Variants in SLC14A2 observed in about 807,000 individuals in gnomAD.
SLC14A2 encodes the protein solute carrier family 14 member 2, also known as urea transporter 2.
SLC14A2 carries 91 observed loss-of-function variants against 104.6 expected under a neutral mutation model. The ratio of observed to expected loss-of-function variants is 0.87; its 90% CI spans 0.73 to 1.04. The LOEUF (loss-of-function observed/expected upper bound fraction) is 1.04, where lower values mean the gene tolerates loss of function less well. Among genes scored for constraint, SLC14A2 ranks in the 50% least tolerant of loss-of-function variants. The pLI is 0.00. For synonymous variants in SLC14A2, 476 were observed against 466.4 expected (o/e 1.02, Z -0.27); for missense variants, 1,189 against 1,156.0 (o/e 1.03, Z -0.41).
chr18:45,478,105 C>G (rs186458112), intron 1 of SLC14A2, among the ~76,000 whole-genome samples: 6 of 152,322 alleles, frequency 3.9e-5, no homozygotes, highest in Admixed American at 3.9e-4. Context: ...ACCCAGGGCC[C>G]CGGTGGTGTA....
intron 1 of SLC14A2, among the ~76,000 whole-genome samples, chr18:45,295,066 A>G (rs137944438): frequency 1.2e-3 from 182 of 152,296 alleles, no homozygotes; most frequent in Admixed American, 3.4e-3. Flanking sequence ...TGCGAGCCAC[A>G]CTTCAAGGGC....
chr18:45,627,819 G>A (rs529721151), intron 4 of SLC14A2, among the ~76,000 whole-genome samples: 1 of 152,182 alleles, frequency 6.6e-6, no homozygotes, highest in South Asian at 2.1e-4. Flanking sequence ...AAGCCAGTCT[G>A]GCCAACATGG....
intron 1 of SLC14A2, among the ~76,000 whole-genome samples, chr18:45,414,408 G>C (rs188570476): frequency 3.9e-5 from 6 of 152,002 alleles, no homozygotes; most frequent in Non-Finnish European, 8.8e-5. Context: ...GAACTGTTTG[G>C]GAACAGGGGA....
chr18:45,440,736 G>A (rs922548234), intron 1 of SLC14A2, among the ~76,000 whole-genome samples: 7 of 152,092 alleles, frequency 4.6e-5, no homozygotes, highest in African/African-American at 1.4e-4. Flanking sequence ...GGGAGTAATA[G>A]AACTTACATA....
intron 1 of SLC14A2, among the ~76,000 whole-genome samples, chr18:45,623,217 G>C (rs1219909641): frequency 6.6e-6 from 1 of 152,188 alleles, no homozygotes; most frequent in Admixed American, 6.5e-5. Context: ...GAGATTTCCA[G>C]TGTGTGTGAT....
chr18:45,589,319 GAGAA>G (rs777536434), intron 2 of SLC14A2, among the ~76,000 whole-genome samples: 1 of 151,784 alleles, frequency 6.6e-6, no homozygotes, highest in Non-Finnish European at 1.5e-5. Flanking sequence ...AAGCTGGAGA[GAGAA>G]AGGGGGGCTG....
chr18:45,366,194 T>C (rs2085664037), intron 1 of SLC14A2, among the ~76,000 whole-genome samples: 1 of 152,148 alleles, frequency 6.6e-6, no homozygotes, highest in Admixed American at 6.5e-5. Flanking sequence ...CTTGACTTCC[T>C]CAGCGGAATC....
intron 1 of SLC14A2, among the ~76,000 whole-genome samples, chr18:45,245,660 G>T (rs569558759): frequency 6.6e-6 from 1 of 151,162 alleles, no homozygotes; most frequent in Admixed American, 6.6e-5. Context: ...TAGATGAAGG[G>T]AAGGTGTTTT....
intron 1 of SLC14A2, among the ~76,000 whole-genome samples, chr18:45,286,354 C>G (rs1235329058): frequency 6.6e-6 from 1 of 152,214 alleles, no homozygotes; most frequent in East Asian, 1.9e-4. Flanking sequence ...CATCCTCACT[C>G]AGTGCCACTT....
chr18:45,189,241 T>C, the SLC14A2 span, among the ~76,000 whole-genome samples: 1 of 152,174 alleles, frequency 6.6e-6, no homozygotes, highest in Non-Finnish European at 1.5e-5. Context: ...TGAGTTCAAA[T>C]CCAGACTCAA....
the SLC14A2 span, among the ~76,000 whole-genome samples, chr18:45,205,583 A>G: frequency 6.6e-6 from 1 of 152,164 alleles, no homozygotes. Context: ...GGAAAAATAG[A>G]TCGGGTAGAT....
intron 2 of SLC14A2, among the ~76,000 whole-genome samples, chr18:45,531,517 C>A (rs568840561): frequency 9.5e-4 from 145 of 152,328 alleles, no homozygotes; most frequent in Non-Finnish European, 1.7e-3. Flanking sequence ...AGGGTCTGTT[C>A]ATATCCTTCA....
At chr18:45,627,215 G>C in intron 4 of SLC14A2, 68 bp downstream of exon 4, 3 of 1,432,450 alleles carry the variant, frequency 2.1e-6, no homozygotes, top group Non-Finnish European at 2.9e-6. Flanking sequence ...GTTTACTTGA[G>C]TAATCAGTCA....
chr18:45,585,407 G>A (rs920228347), intron 2 of SLC14A2, among the ~76,000 whole-genome samples: 1 of 152,088 alleles, frequency 6.6e-6, no homozygotes, highest in African/African-American at 2.4e-5. Flanking sequence ...TTTTAACCTA[G>A]TATATTTCCA....
intron 1 of SLC14A2, among the ~76,000 whole-genome samples, chr18:45,338,174 G>A (rs983237159): frequency 2.0e-5 from 3 of 152,016 alleles, no homozygotes; most frequent in Non-Finnish European, 4.4e-5. Context: ...CCTGATTCAA[G>A]TTATTCCACC....
intron 19 of SLC14A2, 97 bp downstream of exon 19, chr18:45,679,121 C>T: frequency 8.0e-6 from 9 of 1,120,938 alleles, no homozygotes; most frequent in Non-Finnish European, 1.2e-5. Context: ...TCTAAGAACT[C>T]TTCCCCAGTT....
At chr18:45,642,868 G>GA (rs1372076812) in intron 8 of SLC14A2, among the ~76,000 whole-genome samples, 1 of 152,258 alleles carries the variant, frequency 6.6e-6, no homozygotes, top group Non-Finnish European at 1.5e-5. Flanking sequence ...GGCCACTATG[G>GA]AAGCAGGGAG....
intron 18 of SLC14A2, among the ~76,000 whole-genome samples, chr18:45,675,936 T>C (rs977108184): frequency 2.6e-5 from 4 of 151,942 alleles, no homozygotes; most frequent in South Asian, 2.1e-4. Context: ...GAGGGAATGA[T>C]AGCTCCTTCA....
At chr18:45,556,613 A>AT (rs2044136513) in intron 2 of SLC14A2, among the ~76,000 whole-genome samples, 1 of 152,238 alleles carries the variant, frequency 6.6e-6, no homozygotes, top group African/African-American at 2.4e-5. Flanking sequence ...TGAAGATAAT[A>AT]GTAGTTAAAT....
Sources: allele counts gnomAD v4.1 joint callset (sites outside exome capture counted in the v4.1 genomes callset), GRCh38; gene constraint gnomAD v4.1.1; transcripts MANE v1.5; gene names NCBI Gene and HGNC (gene_info 2026-07-23, HGNC 2026-07-21).